CCND3: variants seen among roughly 807,000 people sequenced by gnomAD.
CCND3 encodes the protein G1/S-specific cyclin-D3.
In CCND3, 9 loss-of-function variants were observed where a neutral mutation model predicts 28.7. The observed-to-expected ratio is 0.31, with a 90% CI of 0.19 to 0.55. The LOEUF (loss-of-function observed/expected upper bound fraction) is 0.55, where lower values mean the gene tolerates loss of function less well. Among genes scored for constraint, CCND3 ranks in the 20% least tolerant of loss-of-function variants. The pLI is 0.93. For missense variants in CCND3, 315 were observed against 385.8 expected (o/e 0.82, Z 1.54); for synonymous variants, 164 against 163.9 (o/e 1.00, Z 0.00).
chr6:42,030,099 C>T (rs115086817), intron 1 of CCND3: 2 of 152,260 alleles, frequency 1.3e-5, no homozygotes, highest in Non-Finnish European at 2.9e-5. Flanking sequence ...AGGCCTACAT[C>T]TTCAGGATAT....
intron 1 of CCND3, among the ~76,000 whole-genome samples, chr6:41,950,643 AG>A (rs1385473198): frequency 6.6e-6 from 1 of 151,912 alleles, no homozygotes; most frequent in African/African-American, 2.4e-5. Flanking sequence ...TCCATACATC[AG>A]GCAGGCCTTC....
chr6:41,944,994 C>T (rs112229777), upstream of CCND3, among the ~76,000 whole-genome samples: 2 of 152,248 alleles, frequency 1.3e-5, no homozygotes, highest in African/African-American at 4.8e-5. Flanking sequence ...AATAGAGGCT[C>T]CTCTTGTTTT....
At position 41,936,648 on chromosome 6, in the gene CCND3, T is replaced by C; in HGVS notation, c.622A>G (p.Ile208Val). Residue 208 changes from isoleucine to valine, a missense_variant, in exon 4 of 5, where the codon ATT becomes GTT. Coordinates refer to ENST00000372991, the MANE Select transcript of CCND3 (RefSeq NM_001760.5). This position sits in a 1 kb window ranked among gnomAD's most constrained non-coding sequence, Gnocchi z 4.4. Reference sequence around the variant, plus strand: ...CCCAGGCCTTGCACTGCAGCCCCAATGCTGCCCGTGGCGATCATGGATGGC... The same window carrying C: ...CCCAGGCCTTGCACTGCAGCCCCAACGCTGCCCGTGGCGATCATGGATGGC... The part of the protein sequence containing the change: ...YPPSMIATGS[I>V]GAAVQGLGAC... 3 of 1,614,110 alleles carry C rather than the reference T, an allele frequency of 1.9e-6. No individual in the cohort carries two copies. Among genetic ancestry groups the C allele is most frequent in the Non-Finnish European group, 2.5e-6 (3 of 1,179,970 alleles).
intron 1 of CCND3, among the ~76,000 whole-genome samples, chr6:41,979,735 C>A (rs1222171234): frequency 1.3e-5 from 2 of 151,238 alleles, no homozygotes; most frequent in African/African-American, 4.9e-5. Flanking sequence ...AATTCTTTAG[C>A]AAATCCTTAA....
At chr6:41,981,722 C>T (rs1582129833) in intron 1 of CCND3, among the ~76,000 whole-genome samples, 1 of 152,076 alleles carries the variant, frequency 6.6e-6, no homozygotes, top group South Asian at 2.1e-4. Flanking sequence ...TGGGGTTTCA[C>T]CATGTTGCCC....
At chr6:41,956,294 A>AT (rs1485550510) in intron 1 of CCND3, among the ~76,000 whole-genome samples, 22 of 151,944 alleles carry the variant, frequency 1.4e-4, no homozygotes, top group South Asian at 4.1e-4. Flanking sequence ...TCCTTCTCAA[A>AT]AAAAATAAAA....
chr6:41,964,492 G>A (rs1244230548), intron 1 of CCND3, among the ~76,000 whole-genome samples: 1 of 133,766 alleles, frequency 7.5e-6, no homozygotes, highest in East Asian at 2.2e-4. Context: ...GTGAATGTGT[G>A]TGTGTGAGTG....
At chr6:41,971,170 G>A (rs560288842) in intron 1 of CCND3, among the ~76,000 whole-genome samples, 2 of 152,252 alleles carry the variant, frequency 1.3e-5, no homozygotes, top group African/African-American at 2.4e-5. Flanking sequence ...CACCAGCCTC[G>A]GCATCCCAAA....
intron 1 of CCND3, among the ~76,000 whole-genome samples, chr6:41,964,329 A>AGT (rs1761798565): frequency 1.0e-5 from 1 of 97,200 alleles, no homozygotes; most frequent in Non-Finnish European, 2.6e-5. Context: ...TGTGTGTGTG[A>AGT]ATGTGTGTGT....
intron 1 of CCND3, among the ~76,000 whole-genome samples, chr6:41,983,029 G>A (rs1265968269): frequency 2.0e-5 from 3 of 152,022 alleles, no homozygotes; most frequent in African/African-American, 7.2e-5. Flanking sequence ...ATGACCTTGG[G>A]TAGAGTGATG....
At chr6:41,998,242 C>G (rs1353748751) in intron 1 of CCND3, among the ~76,000 whole-genome samples, 1 of 148,264 alleles carries the variant, frequency 6.7e-6, no homozygotes, top group Non-Finnish European at 1.5e-5. Flanking sequence ...AAGCTGAGAT[C>G]GCACCACTGT....
chr6:42,022,346 T>C lies in CCND3; in HGVS notation c.-46+26155A>G, dbSNP rs932425074. On this transcript the variant is annotated intron_variant, in intron 1 of 4. Coordinates refer to the CCND3 transcript ENST00000372988. Reference sequence around the variant, plus strand: ...GTGAATGAAGAAATGAATGAACAAATGATTGGATCCCAGGTTGGTAAAGAA... The same window carrying C: ...GTGAATGAAGAAATGAATGAACAAACGATTGGATCCCAGGTTGGTAAAGAA... Among the ~76,000 whole-genome samples the C allele has an allele frequency of 5.9e-5, 9 of 152,180 alleles. No homozygotes were observed. In the East Asian group the frequency reaches 1.7e-3, roughly 29 times the overall value.
chr6:42,032,109 G>A (rs966078370), intron 1 of CCND3, among the ~76,000 whole-genome samples: 1 of 151,750 alleles, frequency 6.6e-6, no homozygotes, highest in Non-Finnish European at 1.5e-5. Context: ...TTTAAGAGAC[G>A]AGGTCTTGCC....
At chr6:41,953,220 G>A (rs1366154819) in intron 1 of CCND3, among the ~76,000 whole-genome samples, 3 of 150,816 alleles carry the variant, frequency 2.0e-5, no homozygotes, top group African/African-American at 7.3e-5. Context: ...AGCCGAGATC[G>A]CGCCACTGCA....
chr6:41,996,910 G>A (rs1361700939), intron 1 of CCND3, among the ~76,000 whole-genome samples: 13 of 152,058 alleles, frequency 8.5e-5, no homozygotes, highest in Admixed American at 4.6e-4. Context: ...TGATCCTCCC[G>A]CCTTGGCCTC....
Position 41,936,519 on chromosome 6 carries a change from T to TG in CCND3, c.711+39_711+40insC. On this transcript the variant is annotated intron_variant, in intron 4 of 4. Coordinates refer to ENST00000372991, the MANE Select transcript of CCND3 (RefSeq NM_001760.5). This position sits in a 1 kb window ranked among gnomAD's most constrained non-coding sequence, Gnocchi z 4.4. ...GGAGGCTCAGGGCATAGCACTACTT[T>TG]ATGAATGGAGAGGCTGCTGCCCAGC... 2 of 1,610,806 alleles carry TG rather than the reference T, an allele frequency of 1.2e-6. No individual in the cohort carries two copies. The highest frequency in any genetic ancestry group is 1.7e-6 in the Non-Finnish European group (2 of 1,178,154).
chr6:41,951,709 A>T (rs1776323252), intron 1 of CCND3, among the ~76,000 whole-genome samples: 1 of 151,966 alleles, frequency 6.6e-6, no homozygotes, highest in Admixed American at 6.6e-5. Context: ...CCAGAGCAAT[A>T]ATAGTAATAA....
chr6:41,937,803 ACT>A (rs1407936169), intron 2 of CCND3: 1 of 190,850 alleles, frequency 5.2e-6, no homozygotes, highest in Non-Finnish European at 1.1e-5. Context: ...AAGCAGAAAG[ACT>A]CTCTCAACCC....
chr6:41,965,304 G>A (rs1450491827), intron 1 of CCND3, among the ~76,000 whole-genome samples: 1 of 151,974 alleles, frequency 6.6e-6, no homozygotes, highest in African/African-American at 2.4e-5. Context: ...TCCTGACCTC[G>A]TGATCCGCCT....
Sources: allele counts gnomAD v4.1 joint callset (sites outside exome capture counted in the v4.1 genomes callset), GRCh38; gene constraint gnomAD v4.1.1; non-coding constraint Gnocchi (gnomAD v3.1); transcripts MANE v1.5; gene names NCBI Gene and HGNC (gene_info 2026-07-23, HGNC 2026-07-21).